HSPH1: variants seen among roughly 807,000 people sequenced by gnomAD.
The protein encoded by HSPH1 is heat shock protein family H (Hsp110) member 1.
Under a neutral mutation model 100.0 loss-of-function variants are expected in HSPH1, and 40 were observed. The ratio of observed to expected loss-of-function variants is 0.40; its 90% confidence interval spans 0.31 to 0.52. HSPH1 has a LOEUF of 0.52. HSPH1 is among the 20% of genes least tolerant of loss of function. HSPH1 has a pLI of 0.54. For synonymous variants in HSPH1, 403 were observed against 344.0 expected (o/e 1.17, Z -1.90); for missense variants, 876 against 1,015.1 (o/e 0.86, Z 1.86).
In HSPH1 at chr13:31,153,005, AT is replaced by A. The variant is rs1956543997; in HGVS notation, c.430-55del. On this transcript the variant is annotated intron_variant, in intron 4 of 17. Transcript: ENST00000320027. Reference sequence around the variant, plus strand: ...TCTAGAACACAAAATATACTTAGAAATTCCTCACAAACCACTTATAAATTCA... The same window carrying A: ...TCTAGAACACAAAATATACTTAGAAATCCTCACAAACCACTTATAAATTCA... 4.1e-5 allele frequency: 49 copies of A among 1,205,494 alleles called. 1 individual carries two copies. The South Asian group carries it at 5.9e-4, about 14-fold the overall frequency. The allele number at this position is 1,205,494 out of a possible 1,614,324, so 74.7% of individuals were successfully genotyped here.
chr13:31,155,554 T>C lies in HSPH1; in HGVS notation c.266A>G (p.Tyr89Cys). Residue 89 changes from tyrosine to cysteine, a missense_variant, in exon 3 of 18, where the codon TAC becomes TGC. Coordinates refer to ENST00000320027, the MANE Select transcript of HSPH1 (RefSeq NM_006644.4). ...FIQKEKENLS[Y>C]DLVPLKNGGV... ...ACCATTTTTCAATGGAACCAAATCG[T>C]AACTCAAGTTTTCCTTCTCCTTTTG... 1.2e-6 allele frequency: 2 copies of C among 1,612,436 alleles called. No individual in the cohort carries two copies. Among genetic ancestry groups the C allele is most frequent in the South Asian group, 2.2e-5 (2 of 90,764 alleles).
intron 17 of HSPH1, among the ~76,000 whole-genome samples, 164 bp downstream of exon 17, chr13:31,138,243 G>A (rs1341413974): frequency 6.6e-6 from 1 of 152,088 alleles, no homozygotes; most frequent in Non-Finnish European, 1.5e-5. Context: ...ACAAACTTAT[G>A]AGGTCTTCTG....
Position 31,150,084 on chromosome 13 carries a change from C to T in HSPH1, c.1007G>A (p.Ser336Asn), listed in dbSNP as rs759996763. The T allele has an allele frequency of 6.9e-5, 112 of 1,613,670 alleles. No individual in the cohort carries two copies. Among genetic ancestry groups the T allele is most frequent in the Non-Finnish European group, 8.6e-5 (102 of 1,179,750 alleles). The stretch of plus-strand genomic sequence containing the variant: ...AGCGCCTCCAACAATCTCAACTGCA[C>T]TCACATCTTCTACTTTGAGATGAGT... ...EQTHLKVEDV[S>N]AVEIVGGATR... is the part of the protein sequence containing the mutation. Residue 336 changes from serine (S) to asparagine (N), a missense_variant, in exon 8 of 18, where the codon AGT (serine) becomes AAT (asparagine). Ser to Asn is a conservative substitution (Grantham distance 46, BLOSUM62 1). Transcript: ENST00000320027.
At position 31,145,701 on chromosome 13, in the gene HSPH1, C is replaced by T; in HGVS notation, c.1446G>A (p.Val482=). The T allele has an allele frequency of 2.5e-6, 4 of 1,613,670 alleles. No individual in the cohort carries two copies. Among genetic ancestry groups the T allele is most frequent in the Non-Finnish European group, 3.4e-6 (4 of 1,179,760 alleles). ...TGAAAATGCCATGGGTGTTGACTCG[C>T]ACTTTGACTTTTACTCTAGATTTTT... is the stretch of plus-strand genomic sequence containing the variant. The part of the protein sequence containing the change: ...DGEKSRVKVK[V]RVNTHGIFTI... Residue 482 remains valine, a synonymous_variant, in exon 11 of 18, where the codon GTG becomes GTA. Coordinates refer to ENST00000320027, the MANE Select transcript of HSPH1 (RefSeq NM_006644.4).
chr13:31,147,843 C>T (rs1014917666), intron 10 of HSPH1, 116 bp downstream of exon 10: 1 of 839,298 alleles, frequency 1.2e-6, no homozygotes, highest in Non-Finnish European at 1.8e-6. Context: ...TGTCTTCACA[C>T]AGAATTATGT....
intron 2 of HSPH1, among the ~76,000 whole-genome samples, chr13:31,157,195 G>A (rs9528337): frequency 0.29 from 44,299 of 152,050 alleles, 6,852 homozygotes; most frequent in East Asian, 0.46. Context: ...TAGTATACTG[G>A]CCAAATATGA....
chr13:31,150,397 T>C (rs2137602244), intron 7 of HSPH1, among the ~76,000 whole-genome samples: 1 of 152,294 alleles, frequency 6.6e-6, no homozygotes, highest in Non-Finnish European at 1.5e-5. Context: ...CTGGTATTAC[T>C]CAAACAAATC....
chr13:31,153,455 G>A (rs1442740347), intron 4 of HSPH1, among the ~76,000 whole-genome samples: 1 of 152,168 alleles, frequency 6.6e-6, no homozygotes, highest in African/African-American at 2.4e-5. Flanking sequence ...CTTTAATTCA[G>A]TCAACCTGTT....
At chr13:31,155,726 A>G (rs1956662599) in intron 2 of HSPH1, 72 bp from the exon 3 acceptor site, 2 of 1,348,368 alleles carry the variant, frequency 1.5e-6, no homozygotes, top group East Asian at 4.6e-5. Flanking sequence ...TAGTAATTTT[A>G]TTTATTCACT....
chr13:31,158,962 G>T (rs573215183), intron 1 of HSPH1, 99 bp from the exon 2 acceptor site: 20 of 753,018 alleles, frequency 2.7e-5, no homozygotes, highest in Non-Finnish European at 3.3e-5. Context: ...CCCATTAGGG[G>T]ATAGGGAACA....
intron 6 of HSPH1, 101 bp downstream of exon 6, chr13:31,151,508 T>C: frequency 9.0e-7 from 1 of 1,109,810 alleles, no homozygotes; most frequent in Non-Finnish European, 1.3e-6. Context: ...AAAATAAAAC[T>C]CTTCATTACC....
chr13:31,162,335 C>T (rs1320188924), upstream of HSPH1: 2 of 575,396 alleles, frequency 3.5e-6, no homozygotes, highest in South Asian at 2.0e-5. Flanking sequence ...GTGGGGAGGC[C>T]GGCCAGCTGT....
At chr13:31,151,830 GACTATTA>G in intron 5 of HSPH1, 88 bp from the exon 6 acceptor site, 1 of 1,139,392 alleles carries the variant, frequency 8.8e-7, no homozygotes, top group Non-Finnish European at 1.3e-6. Context: ...CAGGAAGCTT[GACTATTA>G]ACTTGAAACA....
chr13:31,143,967 A>G (rs1565999643), intron 11 of HSPH1, 44 bp from the exon 12 acceptor site: 1 of 1,473,856 alleles, frequency 6.8e-7, no homozygotes, highest in African/African-American at 1.4e-5. Flanking sequence ...AAGCAGGTGT[A>G]CTTGTATAAA....
chr13:31,140,905 A>T, intron 13 of HSPH1: 1 of 359,762 alleles, frequency 2.8e-6, no homozygotes, highest in Non-Finnish European at 4.9e-6. Flanking sequence ...ATTTTTTCAC[A>T]AGAACTCAGC....
In HSPH1 at chr13:31,151,659, G is replaced by A. The variant is rs1414793748; in HGVS notation, c.613C>T (p.His205Tyr). 1.2e-6 allele frequency: 2 copies of A among 1,612,850 alleles called. No homozygotes were observed. Among genetic ancestry groups the A allele is most frequent in the East Asian group, 2.2e-5 (1 of 44,794 alleles). ...PRIVVFVDMG[H>Y]SAFQVSACAF... Reference sequence around the variant, plus strand: ...CAAGCAGACACTTGAAAAGCTGAATGTCCCATATCAACAAAAACCACTATC... The same window carrying A: ...CAAGCAGACACTTGAAAAGCTGAATATCCCATATCAACAAAAACCACTATC... Residue 205 changes from histidine (H) to tyrosine (Y), a missense_variant, in exon 6 of 18, where the codon CAT becomes TAT. By Grantham distance (83) the His-to-Tyr change is moderately conservative. Transcript: ENST00000320027.
rs1418275557 is a variant in HSPH1 at position 31,137,505 on chromosome 13, T to C, written c.2390A>G (p.Glu797Gly). The C allele has an allele frequency of 6.2e-7, 1 of 1,612,794 alleles. No individual in the cohort carries two copies. The highest frequency in any genetic ancestry group is 8.5e-7 in the Non-Finnish European group (1 of 1,179,410). Residue 797 changes from glutamate to glycine, a missense_variant, in exon 18 of 18, where the codon GAA becomes GGA. Coordinates refer to ENST00000320027, the MANE Select transcript of HSPH1 (RefSeq NM_006644.4). The part of the protein sequence containing the change: ...TKIKELNNTC[E>G]PVVTQPKPKI... Reference sequence around the variant, plus strand: ...TGGTTTCGGTTGTGTTACAACGGGTTCACATGTGTTGTTCAATTCCTAAAG... The same window carrying C: ...TGGTTTCGGTTGTGTTACAACGGGTCCACATGTGTTGTTCAATTCCTAAAG...
At chr13:31,144,482 AAAG>A (rs1241276820) in intron 11 of HSPH1, among the ~76,000 whole-genome samples, 3 of 152,220 alleles carry the variant, frequency 2.0e-5, no homozygotes, top group Non-Finnish European at 2.9e-5. Context: ...ATCTCAGAGT[AAAG>A]AATAAATGCT....
chr13:31,146,993 A>C (rs1196358314), intron 10 of HSPH1, among the ~76,000 whole-genome samples: 1 of 152,202 alleles, frequency 6.6e-6, no homozygotes, highest in African/African-American at 2.4e-5. Context: ...TTAATTGTCA[A>C]ATCAGTAGTT....
Sources: allele counts gnomAD v4.1 joint callset (sites outside exome capture counted in the v4.1 genomes callset), GRCh38; gene constraint gnomAD v4.1.1; transcripts MANE v1.5; gene names NCBI Gene and HGNC (gene_info 2026-07-23, HGNC 2026-07-21).